MACROD2: variants seen among roughly 807,000 people sequenced by gnomAD.
MACROD2 encodes ADP-ribose glycohydrolase MACROD2.
Under a neutral mutation model 70.4 loss-of-function variants are expected in MACROD2, and 36 were observed. That is an observed-to-expected ratio of 0.51 (90% CI 0.39 to 0.68). The LOEUF (loss-of-function observed/expected upper bound fraction) is 0.68. Among genes scored for constraint, MACROD2 ranks in the 30% least tolerant of loss-of-function variants. MACROD2 has a pLI of 0.00. For synonymous variants in MACROD2, 172 were observed against 178.8 expected (o/e 0.96, Z 0.30); for missense variants, 496 against 538.4 (o/e 0.92, Z 0.78).
At chr20:15,112,900 T>C (rs1188455923) in intron 5 of MACROD2, among the ~76,000 whole-genome samples, 4 of 149,150 alleles carry the variant, frequency 2.7e-5, no homozygotes, top group Admixed American at 1.3e-4. Context: ...CTGTCCATGT[T>C]GTAGCATGTG....
intron 5 of MACROD2, among the ~76,000 whole-genome samples, chr20:14,777,616 C>T (rs560535816): frequency 6.6e-6 from 1 of 151,944 alleles, no homozygotes; most frequent in Non-Finnish European, 1.5e-5. Context: ...TATTAGATAA[C>T]ACAAATATGG....
chr20:15,219,498 A>G (rs1421953420), intron 5 of MACROD2, among the ~76,000 whole-genome samples: 2 of 152,226 alleles, frequency 1.3e-5, no homozygotes, highest in African/African-American at 4.8e-5. Flanking sequence ...AAATGAGTTG[A>G]ACTTGTAAAA....
chr20:15,044,638 G>A (rs1600992276), intron 5 of MACROD2, among the ~76,000 whole-genome samples: 1 of 152,104 alleles, frequency 6.6e-6, no homozygotes, highest in African/African-American at 2.4e-5. Flanking sequence ...GTAAAGGTGA[G>A]GTGTTTGCTT....
intron 8 of MACROD2, among the ~76,000 whole-genome samples, chr20:15,638,155 G>C (rs2049398890): frequency 6.6e-6 from 1 of 152,192 alleles, no homozygotes; most frequent in African/African-American, 2.4e-5. Flanking sequence ...ATTTGGCTCT[G>C]ACATGAAGAA....
At chr20:15,267,882 A>G (rs564855927) in intron 6 of MACROD2, among the ~76,000 whole-genome samples, 119 of 152,278 alleles carry the variant, frequency 7.8e-4, no homozygotes, top group Middle Eastern at 3.4e-3. Flanking sequence ...GTGAACAGGA[A>G]TCTTTCTCGC....
intron 3 of MACROD2, among the ~76,000 whole-genome samples, chr20:14,439,103 T>G (rs2122952276): frequency 1.3e-5 from 2 of 152,296 alleles, no homozygotes; most frequent in Middle Eastern, 3.4e-3. Flanking sequence ...AAGAGTCAAT[T>G]TTATTATTTC....
intron 3 of MACROD2, among the ~76,000 whole-genome samples, chr20:14,242,807 C>T (rs2081940075): frequency 6.6e-6 from 1 of 152,078 alleles, no homozygotes; most frequent in African/African-American, 2.4e-5. Flanking sequence ...ATTCAAGAAA[C>T]ACGAGCTTAT....
At chr20:15,179,105 C>T (rs2076482499) in intron 5 of MACROD2, among the ~76,000 whole-genome samples, 1 of 152,080 alleles carries the variant, frequency 6.6e-6, no homozygotes, top group Non-Finnish European at 1.5e-5. Flanking sequence ...CACAAAAATC[C>T]AGAATAGTGA....
chr20:14,118,695 A>C (rs1601243714), intron 3 of MACROD2, among the ~76,000 whole-genome samples: 1 of 152,280 alleles, frequency 6.6e-6, no homozygotes, highest in East Asian at 1.9e-4. Context: ...TGGATGGTCT[A>C]GCCTGTATTG....
chr20:14,703,208 G>T (rs1336601740), intron 5 of MACROD2, among the ~76,000 whole-genome samples: 1 of 151,816 alleles, frequency 6.6e-6, no homozygotes, highest in Non-Finnish European at 1.5e-5. Flanking sequence ...CATTTTTTGG[G>T]TACATAATGT....
chr20:14,529,943 C>A (rs2085282507), intron 4 of MACROD2, among the ~76,000 whole-genome samples: 1 of 152,142 alleles, frequency 6.6e-6, no homozygotes, highest in South Asian at 2.1e-4. Context: ...GAAGCAGAAC[C>A]TAAAACAATG....
chr20:14,127,493 A>C (rs1159482494), intron 3 of MACROD2: 2 of 493,554 alleles, frequency 4.1e-6, no homozygotes, highest in African/African-American at 2.0e-5. Context: ...GGGTCAAATC[A>C]TTGAATATCT....
At chr20:15,822,255 G>T (rs556663166) in intron 8 of MACROD2, among the ~76,000 whole-genome samples, 1 of 152,136 alleles carries the variant, frequency 6.6e-6, no homozygotes, top group Non-Finnish European at 1.5e-5. Flanking sequence ...CCTTTGTGGC[G>T]TACACTTACC....
intron 8 of MACROD2, among the ~76,000 whole-genome samples, chr20:15,832,696 G>C (rs530532956): frequency 6.6e-6 from 1 of 152,230 alleles, no homozygotes; most frequent in African/African-American, 2.4e-5. Flanking sequence ...GGCACACAAA[G>C]CCGAACAGGG....
intron 8 of MACROD2, among the ~76,000 whole-genome samples, chr20:15,658,873 G>A (rs1358830241): frequency 1.3e-5 from 2 of 152,106 alleles, no homozygotes; most frequent in African/African-American, 2.4e-5. Context: ...TCACCAAAGT[G>A]CCTGCAACAA....
At chr20:15,964,738 A>C (rs1428584397) in intron 12 of MACROD2, among the ~76,000 whole-genome samples, 3 of 152,302 alleles carry the variant, frequency 2.0e-5, no homozygotes, top group African/African-American at 7.2e-5. Flanking sequence ...AACATACAGA[A>C]TCAAATCTAG....
chr20:15,320,222 A>G (rs996322776), intron 6 of MACROD2, among the ~76,000 whole-genome samples: 7 of 152,180 alleles, frequency 4.6e-5, no homozygotes, highest in African/African-American at 1.7e-4. Flanking sequence ...AAAACAAAAC[A>G]AAAAACATTG....
At chr20:14,828,403 C>G (rs753664164) in intron 5 of MACROD2, among the ~76,000 whole-genome samples, 2 of 152,108 alleles carry the variant, frequency 1.3e-5, no homozygotes, top group Non-Finnish European at 2.9e-5. Context: ...AAGAAGTTCC[C>G]TGATTCTCAC....
intron 6 of MACROD2, among the ~76,000 whole-genome samples, chr20:15,375,616 A>G (rs146922922): frequency 6.6e-6 from 1 of 152,324 alleles, no homozygotes; most frequent in African/African-American, 2.4e-5. Flanking sequence ...TGAGTTAACT[A>G]GAAGTTGATC....
Sources: gnomAD v4.1 joint callset for allele counts (sites outside exome capture counted in the v4.1 genomes callset) on GRCh38, gnomAD v4.1.1 for gene constraint, MANE v1.5 for transcripts, NCBI Gene and HGNC (gene_info 2026-07-23, HGNC 2026-07-21) for gene names.